EYS: variants seen among roughly 807,000 people sequenced by gnomAD.
The protein encoded by EYS is protein eyes shut homolog.
Under a neutral mutation model 282.1 loss-of-function variants are expected in EYS, and 250 were observed. That is an observed-to-expected ratio of 0.89 (90% CI 0.80 to 0.98). The LOEUF is 0.98. Ranked by LOEUF, EYS falls within the 50% of genes least tolerant of loss-of-function variation. The pLI, the probability that EYS is intolerant of heterozygous loss-of-function variation, is 0.00. For missense variants in EYS, 4,016 were observed against 3,709.0 expected, an observed-to-expected ratio of 1.08 and a Z score of -2.15; for synonymous variants, 1,355 against 1,282.9, an observed-to-expected ratio of 1.06 and a Z score of -1.20.
Position 64,461,582 on chromosome 6 carries a change from TA to T in EYS, c.5645-22231del, listed in dbSNP as rs1021664126. 1.8e-4 allele frequency among the ~76,000 whole-genome samples: 27 copies of T among 152,180 alleles called. 1 individual carries two copies. The highest frequency in any genetic ancestry group is 1.6e-3 in the Admixed American group (25 of 15,274). On this transcript the variant is annotated intron_variant, in intron 26 of 42. Coordinates refer to ENST00000503581, the MANE Select transcript of EYS (RefSeq NM_001142800.2). ...AGATTTTGTGTTCTTTAGACACATT[TA>T]AAAAATATTTTGCCTTATTTTCTTT...
chr6:65,262,481 G>C (rs1242091440), intron 12 of EYS, among the ~76,000 whole-genome samples: 2 of 151,990 alleles, frequency 1.3e-5, no homozygotes, highest in African/African-American at 4.8e-5. Flanking sequence ...TGTTACTCGA[G>C]AGCTAGAATG....
At chr6:65,131,050 A>C (rs1435183337) in intron 12 of EYS, among the ~76,000 whole-genome samples, 1 of 151,708 alleles carries the variant, frequency 6.6e-6, no homozygotes, top group Admixed American at 6.6e-5. Context: ...TTTATAAAAA[A>C]TATATATTTG....
At chr6:65,283,085 T>C (rs1768268822) in intron 12 of EYS, among the ~76,000 whole-genome samples, 1 of 151,990 alleles carries the variant, frequency 6.6e-6, no homozygotes, top group Admixed American at 6.6e-5. Flanking sequence ...AAATTTGATA[T>C]TTGTTAATAT....
At chr6:65,141,764 T>TC in intron 12 of EYS, among the ~76,000 whole-genome samples, 1 of 136,814 alleles carries the variant, frequency 7.3e-6, no homozygotes, top group Non-Finnish European at 1.6e-5. Flanking sequence ...CATCAGAAGT[T>TC]CGGGGGCAAG....
intron 10 of EYS, among the ~76,000 whole-genome samples, chr6:65,340,365 C>CA (rs984352993): frequency 2.7e-5 from 4 of 150,592 alleles, no homozygotes; most frequent in Middle Eastern, 3.4e-3. Context: ...CATTTTAATA[C>CA]AAAAAAAATT....
intron 19 of EYS, among the ~76,000 whole-genome samples, chr6:64,845,622 T>C (rs1018974178): frequency 3.9e-5 from 6 of 152,066 alleles, no homozygotes; most frequent in Admixed American, 3.9e-4. Flanking sequence ...TGACTCCACA[T>C]CCTGTCTATA....
intron 26 of EYS, among the ~76,000 whole-genome samples, chr6:64,583,178 G>A (rs1582920243): frequency 1.3e-5 from 2 of 152,102 alleles, no homozygotes; most frequent in East Asian, 3.9e-4. Context: ...TTACTTGTAG[G>A]GTGGACATCT....
chr6:65,469,291 T>A (rs1380704546), intron 5 of EYS, among the ~76,000 whole-genome samples: 3 of 152,054 alleles, frequency 2.0e-5, no homozygotes, highest in Non-Finnish European at 1.5e-5. Context: ...AACCAATTTT[T>A]TGACATGTAA....
chr6:64,449,496 A>C (rs1003010183), intron 26 of EYS, among the ~76,000 whole-genome samples: 4 of 152,312 alleles, frequency 2.6e-5, no homozygotes, highest in Middle Eastern at 3.4e-3. Flanking sequence ...AATTCAGGAA[A>C]TACAGAGAAT....
chr6:65,006,503 C>CAAAAAAAAAAA (rs59057058), intron 13 of EYS, among the ~76,000 whole-genome samples: 77 of 83,134 alleles, frequency 9.3e-4, no homozygotes, highest in African/African-American at 1.3e-3. Context: ...TATTCTAAGT[C>CAAAAAAAAAAA]AAAAAAAAAA....
intron 34 of EYS, among the ~76,000 whole-genome samples, chr6:63,992,944 T>G (rs2149797636): frequency 6.6e-6 from 1 of 151,932 alleles, no homozygotes; most frequent in South Asian, 2.1e-4. Context: ...TCCCATGCTG[T>G]TCTTGTGAAA....
intron 5 of EYS, chr6:65,489,678 A>G (rs1765956739): frequency 6.6e-6 from 1 of 152,194 alleles, no homozygotes. Flanking sequence ...ATGCACACAT[A>G]TGTTTACTGC....
At chr6:65,220,454 T>C (rs1361524016) in intron 12 of EYS, among the ~76,000 whole-genome samples, 2 of 152,052 alleles carry the variant, frequency 1.3e-5, no homozygotes, top group African/African-American at 4.8e-5. Flanking sequence ...TAAAGAAAAA[T>C]TCCTTGCACA....
At position 64,563,276 on chromosome 6, in the gene EYS, A is replaced by T. The variant is rs147922809; in HGVS notation, c.5644+26947T>A. Reference sequence around the variant, plus strand: ...GCATAGTCTAAAGTTCTGACATTCAATATTTTTTCTCTGATTCAGAGAACT... The same window carrying T: ...GCATAGTCTAAAGTTCTGACATTCATTATTTTTTCTCTGATTCAGAGAACT... On this transcript the variant is annotated intron_variant, in intron 26 of 42. Transcript: ENST00000503581. Among the ~76,000 whole-genome samples, 914 of 152,108 alleles carry T rather than the reference A, an allele frequency of 6.0e-3. 5 individuals carry two copies. Among genetic ancestry groups the T allele is most frequent in the South Asian group, 0.015 (70 of 4,826 alleles).
chr6:63,739,151 T>C (rs1006004241), intron 41 of EYS, among the ~76,000 whole-genome samples: 1 of 152,172 alleles, frequency 6.6e-6, no homozygotes, highest in African/African-American at 2.4e-5. Flanking sequence ...TTGTTTTGTT[T>C]ATCAAATTCT....
chr6:65,162,300 A>T lies in EYS; in HGVS notation c.2024-104573T>A, dbSNP rs181121675. On this transcript the variant is annotated intron_variant, in intron 12 of 42. Transcript: ENST00000503581. ...TTTTGAAAGCAATGATTCTGAATGC[A>T]GATAAAATAAAATATTGTTATTTTC... Among the ~76,000 whole-genome samples, 324 of 151,422 alleles carry T rather than the reference A, an allele frequency of 2.1e-3. 1 individual carries two copies. Among genetic ancestry groups the T allele is most frequent in the Non-Finnish European group, 2.2e-3 (150 of 67,526 alleles).
At chr6:65,615,822 T>TA (rs1766175629) in intron 2 of EYS, among the ~76,000 whole-genome samples, 1 of 151,788 alleles carries the variant, frequency 6.6e-6, no homozygotes, top group Non-Finnish European at 1.5e-5. Context: ...CAGTCCCAGC[T>TA]ACTTGGGAGG....
intron 1 of EYS, among the ~76,000 whole-genome samples, chr6:65,680,086 T>TCACA (rs10650454): frequency 0.14 from 19,886 of 147,222 alleles, 1,454 homozygotes; most frequent in South Asian, 0.25. Flanking sequence ...TCCTAAATTT[T>TCACA]CACACACACA....
intron 2 of EYS, among the ~76,000 whole-genome samples, chr6:65,594,446 GTATATC>G (rs1765337065): frequency 6.6e-6 from 1 of 151,712 alleles, no homozygotes; most frequent in Non-Finnish European, 1.5e-5. Flanking sequence ...AATTGAATTT[GTATATC>G]TATGATTCAA....
Sources: gnomAD v4.1 joint callset for allele counts (sites outside exome capture counted in the v4.1 genomes callset) on GRCh38, gnomAD v4.1.1 for gene constraint, MANE v1.5 for transcripts, NCBI Gene and HGNC (gene_info 2026-07-23, HGNC 2026-07-21) for gene names.